Variants in ATXN2 observed in about 807,000 individuals in gnomAD.
The protein encoded by ATXN2 is ataxin-2.
ATXN2 carries 37 observed loss-of-function variants against 138.6 expected under a neutral mutation model. The ratio of observed to expected loss-of-function variants is 0.27; its 90% confidence interval spans 0.21 to 0.35. The LOEUF is 0.35. Among genes scored for constraint, ATXN2 ranks in the 10% least tolerant of loss-of-function variants. The pLI is 1.00. For synonymous variants in ATXN2, 549 were observed against 543.7 expected (o/e 1.01, Z -0.13); for missense variants, 1,216 against 1,480.3 (o/e 0.82, Z 2.93).
In ATXN2 at chr12:111,470,726, T is replaced by C; in HGVS notation, c.2541A>G (p.Gln847=). ...TCTGATGATGCTGGTCTTGCCGCTG[T>C]TGGGGCATATTTGGTACTGCAGAAA... ...YRAGKVPNMP[Q]QRQDQHHQSA... Residue 847 remains glutamine (Q), a synonymous_variant, in exon 19 of 25, where the codon CAA becomes CAG. Transcript: ENST00000673436. The C allele has an allele frequency of 3.1e-6, 5 of 1,614,142 alleles. No individual in the cohort carries two copies. The highest frequency in any genetic ancestry group is 4.2e-6 in the Non-Finnish European group (5 of 1,180,016).
intron 7 of ATXN2, among the ~76,000 whole-genome samples, chr12:111,520,566 G>T (rs1014824292): frequency 6.6e-6 from 1 of 152,040 alleles, no homozygotes; most frequent in African/African-American, 2.4e-5. Flanking sequence ...CAGGAGAATC[G>T]CTTGAACCCG....
upstream of ATXN2, chr12:111,599,557 C>CG: frequency 1.7e-6 from 2 of 1,171,842 alleles, no homozygotes; most frequent in Non-Finnish European, 2.1e-6. Context: ...AGCGGAGGTG[C>CG]GGATAGGGAC....
chr12:111,579,768 G>C (rs1390278959), intron 1 of ATXN2, among the ~76,000 whole-genome samples: 2 of 149,614 alleles, frequency 1.3e-5, no homozygotes, highest in African/African-American at 2.5e-5. Flanking sequence ...GCGTGTTCTT[G>C]GTTCACTGCA....
chr12:111,485,818 A>G lies in ATXN2; in HGVS notation c.2352T>C (p.Pro784=), dbSNP rs1436745690. Residue 784 remains proline, a synonymous_variant, in exon 17 of 25, where the codon CCT becomes CCC. Transcript: ENST00000673436. Reference sequence around the variant, plus strand: ...GTTGATGACCCACCATAGATGGGCTAGGTTGTGCTTGAGGCCGAGGTGAAG... The same window carrying G: ...GTTGATGACCCACCATAGATGGGCTGGGTTGTGCTTGAGGCCGAGGTGAAG... ...TPTSPRPQAQ[P]SPSMVGHQQP... 2 of 1,614,190 alleles carry G rather than the reference A, an allele frequency of 1.2e-6. No homozygotes were observed. The highest frequency in any genetic ancestry group is 1.7e-6 in the Non-Finnish European group (2 of 1,180,012).
At chr12:111,566,338 A>C (rs1883002767) in intron 1 of ATXN2, among the ~76,000 whole-genome samples, 1 of 151,088 alleles carries the variant, frequency 6.6e-6, no homozygotes, top group Admixed American at 6.6e-5. Context: ...AGGCTGAGGC[A>C]GGAGAATTGC....
At chr12:111,524,065 T>A (rs976718793) in intron 6 of ATXN2, among the ~76,000 whole-genome samples, 1 of 152,230 alleles carries the variant, frequency 6.6e-6, no homozygotes, top group African/African-American at 2.4e-5. Context: ...TCTATCAATT[T>A]ATCCACCTCA....
At chr12:111,478,833 C>T (rs1877010601) in intron 18 of ATXN2, among the ~76,000 whole-genome samples, 1 of 151,784 alleles carries the variant, frequency 6.6e-6, no homozygotes, top group South Asian at 2.1e-4. Context: ...GTGGTGAAAC[C>T]CCGTCTCTAC....
intron 24 of ATXN2, 102 bp from the exon 25 acceptor site, chr12:111,452,942 G>T: frequency 9.2e-7 from 1 of 1,088,620 alleles, no homozygotes; most frequent in South Asian, 2.5e-5. Context: ...CGTGCTAGCT[G>T]AACAAAACTC....
Position 111,453,641 on chromosome 12 carries a change from G to T in ATXN2, c.3439+36C>A. The stretch of plus-strand genomic sequence containing the variant: ...CCACCTGTGCGAGCAGAATGCTTTG[G>T]GGTGCCCCGGCGGCCCCTGCACACA... On this transcript the variant is annotated intron_variant, in intron 24 of 24. Transcript: ENST00000673436. This position sits in a 1 kb window ranked among gnomAD's most constrained non-coding sequence, Gnocchi z 5.4. The T allele has an allele frequency of 6.6e-7, 1 of 1,509,086 alleles. No homozygotes were observed. The highest frequency in any genetic ancestry group is 1.3e-5 in the South Asian group (1 of 76,398). 93.5% of individuals were successfully genotyped at this position (1,509,086 alleles called of 1,614,324 possible). A position where few individuals can be genotyped will look rare whatever the true frequency, so the allele number is the denominator to read the frequency against.
chr12:111,562,818 A>G (rs1882777876), intron 1 of ATXN2, among the ~76,000 whole-genome samples: 1 of 152,084 alleles, frequency 6.6e-6, no homozygotes, highest in Admixed American at 6.6e-5. Context: ...TTCAGGCAAA[A>G]GTGTCCACAG....
chr12:111,532,713 C>CT (rs1334790176), intron 5 of ATXN2, among the ~76,000 whole-genome samples: 1 of 152,076 alleles, frequency 6.6e-6, no homozygotes, highest in Non-Finnish European at 1.5e-5. Flanking sequence ...TCCACAAATT[C>CT]TTTGAGAATC....
intron 5 of ATXN2, among the ~76,000 whole-genome samples, chr12:111,540,943 C>T (rs1476070392): frequency 1.3e-5 from 2 of 150,192 alleles, no homozygotes; most frequent in East Asian, 1.9e-4. Context: ...GTGATCCACC[C>T]GCTTTGGCCT....
chr12:111,530,597 G>A (rs1005741524), intron 5 of ATXN2, among the ~76,000 whole-genome samples: 13 of 152,188 alleles, frequency 8.5e-5, no homozygotes, highest in Admixed American at 7.9e-4. Context: ...GGCAGATCAC[G>A]AGGTCAGGAG....
rs373348323 is a variant in ATXN2 at position 111,576,731 on chromosome 12, G to A, written c.252-20812C>T. ...TCCCAGAACTTTGGGAGGCCGAGGC[G>A]GGCGGATCACAAAGTCAGGAGTTCG... is the stretch of plus-strand genomic sequence containing the variant. On this transcript the variant is annotated intron_variant, in intron 1 of 24. Transcript: ENST00000673436. Among the ~76,000 whole-genome samples, 9 of 150,874 alleles carry A rather than the reference G, an allele frequency of 6.0e-5. No homozygotes were observed. The East Asian group carries it at 1.0e-3, about 17-fold the overall frequency.
intron 1 of ATXN2, 33 bp from the exon 2 acceptor site, chr12:111,555,952 C>A: frequency 6.7e-7 from 1 of 1,499,672 alleles, no homozygotes; most frequent in East Asian, 2.4e-5. Flanking sequence ...TTATTAAATT[C>A]AACAGGCTAA....
intron 3 of ATXN2, among the ~76,000 whole-genome samples, chr12:111,553,527 C>T (rs1236605030): frequency 8.4e-6 from 1 of 119,706 alleles, no homozygotes; most frequent in Admixed American, 1.1e-4. Flanking sequence ...ACAAGAAAAA[C>T]GTCCGTACAT....
chr12:111,465,090 G>A (rs1017257500), intron 20 of ATXN2, among the ~76,000 whole-genome samples: 6 of 151,940 alleles, frequency 3.9e-5, no homozygotes, highest in South Asian at 4.1e-4. Context: ...ATTACTAATG[G>A]AAATGTCATT....
chr12:111,523,189 G>A (rs1219192513), intron 6 of ATXN2, among the ~76,000 whole-genome samples: 1 of 151,610 alleles, frequency 6.6e-6, no homozygotes, highest in East Asian at 1.9e-4. Context: ...CTTGAACCCG[G>A]GAGGCGGAGG....
At chr12:111,553,568 T>C (rs1292136722) in intron 3 of ATXN2, among the ~76,000 whole-genome samples, 2 of 125,858 alleles carry the variant, frequency 1.6e-5, no homozygotes, top group Non-Finnish European at 3.2e-5. Context: ...TGCCTCTTTT[T>C]TCTCAAAAAA....
Sources: allele counts gnomAD v4.1 joint callset (sites outside exome capture counted in the v4.1 genomes callset), GRCh38; gene constraint gnomAD v4.1.1; non-coding constraint Gnocchi (gnomAD v3.1); transcripts MANE v1.5; gene names NCBI Gene and HGNC (gene_info 2026-07-23, HGNC 2026-07-21).